AVL9: variants seen among roughly 807,000 people sequenced by gnomAD.
AVL9 encodes late secretory pathway protein AVL9 homolog.
Under a neutral mutation model 79.2 loss-of-function variants are expected in AVL9, and 49 were observed. The ratio of observed to expected loss-of-function variants is 0.62; its 90% CI spans 0.49 to 0.79. The LOEUF is 0.79. Among genes scored for constraint, AVL9 ranks in the 30% least tolerant of loss-of-function variants. The pLI is 0.00. For synonymous variants in AVL9, 299 were observed against 280.6 expected (o/e 1.07, Z -0.65); for missense variants, 682 against 776.8 (o/e 0.88, Z 1.45).
At chr7:32,549,757 T>TAAAA (rs1217299251) in intron 4 of AVL9, among the ~76,000 whole-genome samples, 4 of 100,604 alleles carry the variant, frequency 4.0e-5, no homozygotes, top group Non-Finnish European at 8.5e-5. Context: ...TACTAAAAAT[T>TAAAA]AAAAAAAAAA....
chr7:32,559,210 C>G lies in AVL9; in HGVS notation c.961C>G (p.Arg321Gly). The change falls in exon 10 of 16, where the codon CGC becomes GGC. Residue 321 changes from arginine to glycine, a missense_variant. By Grantham distance (125) the Arg-to-Gly change is moderately radical (BLOSUM62 -2). Transcript: ENST00000318709. ...CAATCAATATTTGAAACCTCCATCT[C>G]GCCCATCTCCAGATTCTTCAGAAAG... The part of the protein sequence containing the change: ...DTNQYLKPPS[R>G]PSPDSSESDW... 6.2e-7 allele frequency: 1 copy of G among 1,614,160 alleles called. No individual in the cohort carries two copies. Among genetic ancestry groups the G allele is most frequent in the Non-Finnish European group, 8.5e-7 (1 of 1,180,024 alleles).
chr7:32,568,802 T>G (rs960912394), intron 10 of AVL9, among the ~76,000 whole-genome samples: 2 of 152,234 alleles, frequency 1.3e-5, no homozygotes, highest in African/African-American at 4.8e-5. Flanking sequence ...TTGTTATTAT[T>G]ATGAAATATA....
At chr7:32,530,958 A>G (rs74733454) in intron 1 of AVL9, among the ~76,000 whole-genome samples, 1 of 148,982 alleles carries the variant, frequency 6.7e-6, no homozygotes. Flanking sequence ...TCCACCTATT[A>G]AAAAAAAAAG....
At chr7:32,520,796 T>G (rs1227227500) in intron 1 of AVL9, among the ~76,000 whole-genome samples, 2 of 152,160 alleles carry the variant, frequency 1.3e-5, no homozygotes, top group African/African-American at 4.8e-5. Flanking sequence ...GGTGTACAGA[T>G]GGTTAATAAT....
intron 5 of AVL9, 66 bp from the exon 6 acceptor site, chr7:32,552,163 C>T: frequency 9.8e-7 from 1 of 1,020,120 alleles, no homozygotes. Context: ...TTTTTCTGAT[C>T]AATATATTTC....
intron 8 of AVL9, among the ~76,000 whole-genome samples, chr7:32,554,880 T>C (rs1219950638): frequency 6.6e-6 from 1 of 152,166 alleles, no homozygotes; most frequent in African/African-American, 2.4e-5. Flanking sequence ...ATAGTGTAAT[T>C]AAGTGCCTAG....
chr7:32,516,084 T>C, intron 1 of AVL9, among the ~76,000 whole-genome samples: 1 of 152,184 alleles, frequency 6.6e-6, no homozygotes, highest in Non-Finnish European at 1.5e-5. Flanking sequence ...GTTTTCTTTG[T>C]GGAGTTTCAA....
At chr7:32,579,953 T>C (rs1188362457) in intron 13 of AVL9, among the ~76,000 whole-genome samples, 1 of 151,900 alleles carries the variant, frequency 6.6e-6, no homozygotes, top group Non-Finnish European at 1.5e-5. Context: ...AGGATAGCAC[T>C]AAAACAGGCT....
At chr7:32,569,166 A>G (rs2128147655) in intron 10 of AVL9, among the ~76,000 whole-genome samples, 1 of 152,350 alleles carries the variant, frequency 6.6e-6, no homozygotes, top group East Asian at 1.9e-4. Flanking sequence ...AAAAGTGATG[A>G]GATGTAAAAA....
chr7:32,514,073 G>C (rs114848676), intron 1 of AVL9, among the ~76,000 whole-genome samples: 1 of 152,188 alleles, frequency 6.6e-6, no homozygotes, highest in Non-Finnish European at 1.5e-5. Flanking sequence ...TTTACACCAA[G>C]TCATTCCATT....
chr7:32,527,470 T>C (rs944322990), intron 1 of AVL9, among the ~76,000 whole-genome samples: 1 of 152,210 alleles, frequency 6.6e-6, no homozygotes, highest in Non-Finnish European at 1.5e-5. Flanking sequence ...CTACAGTAGC[T>C]CAGTGCATAC....
rs758256630 is a variant in AVL9 at position 32,558,599 on chromosome 7, C to T, written c.650C>T (p.Ala217Val). The change falls in exon 9 of 16, where the codon GCA (alanine) becomes GTA (valine). Residue 217 changes from alanine to valine, a missense_variant. By Grantham distance (64) the Ala-to-Val change is moderately conservative. Coordinates refer to ENST00000318709, the MANE Select transcript of AVL9 (RefSeq NM_015060.3). Reference protein sequence around the residue: ...YISPVNKLVGALMTVLSLFPG... With the variant: ...YISPVNKLVGVLMTVLSLFPG... ...TCTCCAGTGAATAAATTGGTGGGTGCACTGATGACTGTGTTATCCCTTTTT... is the reference window on the plus strand; with the variant it reads ...TCTCCAGTGAATAAATTGGTGGGTGTACTGATGACTGTGTTATCCCTTTTT... 1.2e-6 allele frequency: 2 copies of T among 1,612,616 alleles called. No individual in the cohort carries two copies. Among genetic ancestry groups the T allele is most frequent in the South Asian group, 2.2e-5 (2 of 90,706 alleles).
chr7:32,565,705 TAA>T (rs929396265), intron 10 of AVL9, among the ~76,000 whole-genome samples: 2 of 151,196 alleles, frequency 1.3e-5, no homozygotes, highest in Non-Finnish European at 2.9e-5. Flanking sequence ...CTCTACTAAG[TAA>T]AGTCAAAAAA....
intron 1 of AVL9, among the ~76,000 whole-genome samples, chr7:32,516,319 G>A (rs1475070366): frequency 6.6e-6 from 1 of 151,930 alleles, no homozygotes; most frequent in African/African-American, 2.4e-5. Context: ...AGTTGTTTAG[G>A]ATCCTAATTC....
intron 1 of AVL9, among the ~76,000 whole-genome samples, chr7:32,520,561 C>A (rs1220453755): frequency 1.3e-5 from 2 of 152,138 alleles, no homozygotes; most frequent in African/African-American, 2.4e-5. Context: ...CTAACTCTTC[C>A]TGTAAAACAC....
chr7:32,530,277 T>C (rs1188128574), intron 1 of AVL9, among the ~76,000 whole-genome samples: 47 of 152,366 alleles, frequency 3.1e-4, no homozygotes, highest in Non-Finnish European at 1.3e-4. Context: ...TTCATAACTA[T>C]GTTTTAAGTG....
chr7:32,542,977 T>C (rs537771374), intron 1 of AVL9, among the ~76,000 whole-genome samples, 164 bp from the exon 2 acceptor site: 1 of 152,306 alleles, frequency 6.6e-6, no homozygotes, highest in African/African-American at 2.4e-5. Flanking sequence ...CTGCTTTTTT[T>C]CCCCCTCTTC....
chr7:32,568,635 T>C (rs994975492), intron 10 of AVL9, among the ~76,000 whole-genome samples: 7 of 152,192 alleles, frequency 4.6e-5, no homozygotes, highest in African/African-American at 1.7e-4. Flanking sequence ...TTTTCATAAA[T>C]ATAATATCAC....
intron 10 of AVL9, among the ~76,000 whole-genome samples, chr7:32,568,350 G>A (rs982248748): frequency 7.2e-5 from 11 of 151,806 alleles, no homozygotes; most frequent in South Asian, 2.1e-4. Context: ...ACAGGTGCCC[G>A]CCACCATGCC....
Sources: allele counts gnomAD v4.1 joint callset (sites outside exome capture counted in the v4.1 genomes callset), GRCh38; gene constraint gnomAD v4.1.1; transcripts MANE v1.5; gene names NCBI Gene and HGNC (gene_info 2026-07-23, HGNC 2026-07-21).